COMMD10: variants seen among roughly 807,000 people sequenced by gnomAD.
COMMD10 encodes COMM domain containing 10, also known as COMM domain-containing protein 10.
Under a neutral mutation model 28.9 loss-of-function variants are expected in COMMD10, and 33 were observed. The observed-to-expected ratio is 1.14, with a 90% confidence interval of 0.87 to 1.53. The LOEUF is 1.53. Among genes scored for constraint, COMMD10 ranks in the 40% most tolerant of loss-of-function variants. COMMD10 has a pLI of 0.00. For synonymous variants in COMMD10, 110 were observed against 81.7 expected, an observed-to-expected ratio of 1.35 and a Z score of -1.87; for missense variants, 310 against 233.4, an observed-to-expected ratio of 1.33 and a Z score of -2.14.
chr5:116,259,441 G>A (rs942742412), intron 5 of COMMD10, among the ~76,000 whole-genome samples: 18 of 150,888 alleles, frequency 1.2e-4, no homozygotes, highest in African/African-American at 3.7e-4. Flanking sequence ...TATATTTAAC[G>A]TTTTCCTCTG....
At chr5:116,141,892 G>T (rs557425392) in intron 5 of COMMD10, among the ~76,000 whole-genome samples, 1 of 151,826 alleles carries the variant, frequency 6.6e-6, no homozygotes, top group South Asian at 2.1e-4. Flanking sequence ...TTCTTTAAAT[G>T]TAGGATAATG....
chr5:116,228,085 A>T (rs1749441726), intron 5 of COMMD10, among the ~76,000 whole-genome samples: 1 of 152,036 alleles, frequency 6.6e-6, no homozygotes, highest in South Asian at 2.1e-4. Flanking sequence ...AGTGAATGTG[A>T]ATACAGTTAC....
At chr5:116,273,109 A>G (rs1750802492) in intron 5 of COMMD10, among the ~76,000 whole-genome samples, 1 of 151,882 alleles carries the variant, frequency 6.6e-6, no homozygotes, top group African/African-American at 2.4e-5. Flanking sequence ...TTTTAGAAGA[A>G]TTCAGTTTGC....
chr5:116,265,645 G>A (rs996630228), intron 5 of COMMD10, among the ~76,000 whole-genome samples: 3 of 151,748 alleles, frequency 2.0e-5, no homozygotes, highest in African/African-American at 7.3e-5. Flanking sequence ...CGTACATGTG[G>A]AACATAAAAA....
chr5:116,129,335 A>T (rs1751774399), intron 4 of COMMD10, among the ~76,000 whole-genome samples: 1 of 146,514 alleles, frequency 6.8e-6, no homozygotes, highest in African/African-American at 2.5e-5. Context: ...TCTTTTTTGT[A>T]TATATAGTAT....
At chr5:116,163,423 TAAAA>T (rs58449487) in intron 5 of COMMD10, among the ~76,000 whole-genome samples, 2 of 92,520 alleles carry the variant, frequency 2.2e-5, no homozygotes, top group African/African-American at 1.1e-4. Flanking sequence ...CACCTCTACT[TAAAA>T]AAAAAAAAAA....
At chr5:116,207,770 C>T (rs918854460) in intron 5 of COMMD10, among the ~76,000 whole-genome samples, 13 of 152,176 alleles carry the variant, frequency 8.5e-5, no homozygotes, top group Middle Eastern at 3.2e-3. Flanking sequence ...CCACCTGCCT[C>T]AGCCCCACAA....
chr5:116,210,810 T>G (rs1156313656), intron 5 of COMMD10, among the ~76,000 whole-genome samples: 1 of 152,128 alleles, frequency 6.6e-6, no homozygotes, highest in Non-Finnish European at 1.5e-5. Flanking sequence ...TTCACAATCA[T>G]TCGTCATAGG....
chr5:116,243,816 T>C (rs149112868), intron 5 of COMMD10, among the ~76,000 whole-genome samples: 73 of 152,284 alleles, frequency 4.8e-4, no homozygotes, highest in African/African-American at 1.5e-3. Context: ...TATGGAGTGA[T>C]AGGCAGTAAA....
chr5:116,105,276 C>T (rs1187584258), intron 4 of COMMD10, among the ~76,000 whole-genome samples: 1 of 152,098 alleles, frequency 6.6e-6, no homozygotes, highest in African/African-American at 2.4e-5. Flanking sequence ...ACTTGCATAT[C>T]TTGAACCAGC....
rs146339048 is a variant in COMMD10, at chr5:116,115,816, A to G, written c.400-18252A>G. On this transcript the variant is annotated intron_variant, in intron 4 of 6. Coordinates refer to ENST00000274458, the MANE Select transcript of COMMD10 (RefSeq NM_016144.4). Reference sequence around the variant, plus strand: ...AAACGACTTGAGTTCTTTTATATATATTTTCTAAAATATTTTTACAAATAA... The same window carrying G: ...AAACGACTTGAGTTCTTTTATATATGTTTTCTAAAATATTTTTACAAATAA... 7.6e-3 allele frequency among the ~76,000 whole-genome samples: 1,159 copies of G among 152,212 alleles called. 16 individuals are homozygous for G. The highest frequency in any genetic ancestry group is 0.027 in the African/African-American group (1,126 of 41,532).
At chr5:116,256,199 TG>T (rs1345374173) in intron 5 of COMMD10, among the ~76,000 whole-genome samples, 3 of 151,700 alleles carry the variant, frequency 2.0e-5, no homozygotes, top group Non-Finnish European at 4.4e-5. Context: ...TACAGTATAA[TG>T]AGAGTTAACC....
At chr5:116,258,508 A>G (rs1049777885) in intron 5 of COMMD10, among the ~76,000 whole-genome samples, 2 of 151,576 alleles carry the variant, frequency 1.3e-5, no homozygotes, top group African/African-American at 2.4e-5. Flanking sequence ...ATCTGAAGGT[A>G]TTAAACTAGC....
chr5:116,188,317 A>G (rs998459317), intron 5 of COMMD10: 1 of 152,180 alleles, frequency 6.6e-6, no homozygotes, highest in African/African-American at 2.4e-5. Context: ...GGTGGCGGGC[A>G]TGGAATTTTT....
chr5:116,282,303 T>G (rs1751091535), intron 5 of COMMD10, among the ~76,000 whole-genome samples: 2 of 151,962 alleles, frequency 1.3e-5, no homozygotes, highest in African/African-American at 4.9e-5. Context: ...CTGTCATTGC[T>G]GCCATCACAT....
chr5:116,085,069 C>A lies in COMMD10; in HGVS notation c.17C>A (p.Ala6Glu). Residue 6 changes from alanine (A) to glutamate (E), a missense_variant, in exon 1 of 7, where the codon GCG (alanine) becomes GAG (glutamate). Transcript: ENST00000274458. MAVPA[A>E]LILRESPSMK... ...AAGCCGAAGATGGCGGTCCCCGCGG[C>A]GCTGATCCTACGGGAGAGCCCCAGG... The A allele has an allele frequency of 6.2e-7, 1 of 1,609,952 alleles. No homozygotes were observed. Among genetic ancestry groups the A allele is most frequent in the Middle Eastern group, 1.7e-4 (1 of 5,844 alleles).
intron 5 of COMMD10, among the ~76,000 whole-genome samples, chr5:116,195,015 A>G (rs1748471403): frequency 1.3e-5 from 2 of 152,184 alleles, no homozygotes; most frequent in Non-Finnish European, 2.9e-5. Flanking sequence ...CTTAACATAT[A>G]CAAGTCAATA....
chr5:116,103,965 G>A (rs1750748119), intron 4 of COMMD10, among the ~76,000 whole-genome samples: 1 of 152,112 alleles, frequency 6.6e-6, no homozygotes, highest in South Asian at 2.1e-4. Context: ...TTGTAGATGT[G>A]TGGTGTTATT....
At chr5:116,171,204 G>A (rs908107529) in intron 5 of COMMD10, among the ~76,000 whole-genome samples, 1 of 152,190 alleles carries the variant, frequency 6.6e-6, no homozygotes, top group South Asian at 2.1e-4. Context: ...AGACATTTAT[G>A]CAGCCAGCAG....
Sources: gnomAD v4.1 joint callset for allele counts (sites outside exome capture counted in the v4.1 genomes callset) on GRCh38, gnomAD v4.1.1 for gene constraint, MANE v1.5 for transcripts, NCBI Gene and HGNC (gene_info 2026-07-23, HGNC 2026-07-21) for gene names.